DOP1A: variants seen among roughly 807,000 people sequenced by gnomAD.
DOP1A encodes protein DOP1A.
Under a neutral mutation model 267.6 loss-of-function variants are expected in DOP1A, and 90 were observed. That is an observed-to-expected ratio of 0.34 (90% CI 0.28 to 0.40). The LOEUF (loss-of-function observed/expected upper bound fraction) is 0.40, where lower values mean the gene tolerates loss of function less well. Ranked by LOEUF, DOP1A falls within the 10% of genes least tolerant of loss-of-function variation. The pLI is 1.00. For missense variants in DOP1A, 2,437 were observed against 2,900.4 expected, an observed-to-expected ratio of 0.84 and a Z score of 3.67; for synonymous variants, 932 against 999.1, an observed-to-expected ratio of 0.93 and a Z score of 1.27.
At chr6:83,167,333 T>C (rs934249012) in intron 38 of DOP1A, 5 of 985,450 alleles carry the variant, frequency 5.1e-6, no homozygotes, top group Non-Finnish European at 6.0e-6. Context: ...TCCCTTCCTT[T>C]CTCTGTGATG....
At chr6:83,071,172 T>G (rs925466066) in intron 1 of DOP1A, among the ~76,000 whole-genome samples, 28 of 152,314 alleles carry the variant, frequency 1.8e-4, no homozygotes, top group Non-Finnish European at 1.9e-4. Flanking sequence ...GAGACTTTCT[T>G]CTTGATACAG....
chr6:83,069,216 A>G (rs1785204183), intron 1 of DOP1A, among the ~76,000 whole-genome samples: 1 of 152,202 alleles, frequency 6.6e-6, no homozygotes, highest in Non-Finnish European at 1.5e-5. Flanking sequence ...AGGGTTTTCC[A>G]AACTGATGTT....
At position 83,143,618 on chromosome 6, in the gene DOP1A, T is replaced by C. The variant is rs575153984; in HGVS notation, c.5541+1572T>C. Among the ~76,000 whole-genome samples, 339 of 152,262 alleles carry C rather than the reference T, an allele frequency of 2.2e-3. 3 individuals are homozygous for C. Among genetic ancestry groups the C allele is most frequent in the Middle Eastern group, 0.014 (4 of 294 alleles). On this transcript the variant is annotated intron_variant, in intron 24 of 38. Transcript: ENST00000349129. ...CCATTCCCAAAATTAAAATTTTTCA[T>C]GGATATTAAAAATTCTGCAACAGAA... is the stretch of plus-strand genomic sequence containing the variant.
chr6:83,158,764 T>C (rs1783454412), intron 36 of DOP1A, 142 bp downstream of exon 36: 12 of 665,768 alleles, frequency 1.8e-5, no homozygotes, highest in Non-Finnish European at 3.0e-5. Context: ...GGATATAATG[T>C]AGTTTTACTT....
At chr6:83,088,073 C>A (rs1473965884) in intron 1 of DOP1A, among the ~76,000 whole-genome samples, 2 of 152,068 alleles carry the variant, frequency 1.3e-5, no homozygotes, top group Non-Finnish European at 2.9e-5. Context: ...CGGGTTTCAC[C>A]GTGTTAGCCA....
intron 16 of DOP1A, 96 bp from the exon 17 acceptor site, chr6:83,130,027 A>G: frequency 6.8e-7 from 1 of 1,472,410 alleles, no homozygotes. Context: ...TCAAGGCCTT[A>G]AAAGTATTTA....
intron 6 of DOP1A, 138 bp from the exon 7 acceptor site, chr6:83,113,185 C>A: frequency 1.7e-6 from 1 of 593,826 alleles, no homozygotes. Context: ...ATATACTATT[C>A]AAAATAATGT....
intron 27 of DOP1A, among the ~76,000 whole-genome samples, chr6:83,150,854 T>G (rs1781525863): frequency 6.6e-6 from 1 of 152,192 alleles, no homozygotes; most frequent in African/African-American, 2.4e-5. Context: ...AAATAATTAG[T>G]ACACAACTCT....
chr6:83,166,263 C>A, intron 38 of DOP1A: 1 of 548,258 alleles, frequency 1.8e-6, no homozygotes. Context: ...GGGCAGCTCT[C>A]TTATAGTTGT....
rs1779393628 is a variant in DOP1A at position 83,140,209 on chromosome 6, A to G, written c.5233-12A>G. On this transcript the variant is annotated splice_polypyrimidine_tract_variant and intron_variant, in intron 22 of 38. Coordinates refer to ENST00000349129, the MANE Select transcript of DOP1A (RefSeq NM_015018.4). ...GTAAGTAATATGTTTCTTTTCCCCC[A>G]ACTGTTAATAGCTTTTGGTCAGTGT... The G allele has an allele frequency of 6.2e-7, 1 of 1,607,144 alleles. No individual in the cohort carries two copies. Among genetic ancestry groups the G allele is most frequent in the Admixed American group, 1.7e-5 (1 of 59,350 alleles).
Position 83,160,102 on chromosome 6 carries a change from CAG to C in DOP1A, c.6962+145_6962+146del, listed in dbSNP as rs1490519569. On this transcript the variant is annotated intron_variant, in intron 37 of 38. Coordinates refer to ENST00000349129, the MANE Select transcript of DOP1A (RefSeq NM_015018.4). The stretch of plus-strand genomic sequence containing the variant: ...CTAAAATGTAATTCTTTTGGCACAG[CAG>C]AGTTATCGGAAGTAAATGGTCAATG... 41 of 818,158 alleles carry C rather than the reference CAG, an allele frequency of 5.0e-5. No homozygotes were observed. In the South Asian group the frequency reaches 6.9e-4, roughly 14 times the overall value. 50.7% of individuals were successfully genotyped at this position (818,158 alleles called of 1,614,324 possible).
intron 38 of DOP1A, chr6:83,165,982 T>G: frequency 3.0e-6 from 1 of 333,190 alleles, no homozygotes; most frequent in Non-Finnish European, 5.8e-6. Context: ...GGAGCAAGTT[T>G]GGCTTTGGGA....
rs1041832059 is a variant in DOP1A at position 83,134,264 on chromosome 6, A to T, written c.2847A>T (p.Ser949=). Residue 949 remains serine (S), a synonymous_variant, in exon 19 of 39, where the codon TCA becomes TCT. Coordinates refer to ENST00000349129, the MANE Select transcript of DOP1A (RefSeq NM_015018.4). The part of the protein sequence containing the change: ...LTRDLHINKS[S]SFVRSFDRSL... The stretch of plus-strand genomic sequence containing the variant: ...GAGATCTCCATATAAATAAATCTTC[A>T]TCTTTTGTACGTTCTTTTGACAGGT... 2 of 1,612,170 alleles carry T rather than the reference A, an allele frequency of 1.2e-6. No individual in the cohort carries two copies. The highest frequency in any genetic ancestry group is 1.7e-6 in the Non-Finnish European group (2 of 1,179,048).
intron 11 of DOP1A, 123 bp downstream of exon 11, chr6:83,122,173 T>C: frequency 9.2e-7 from 1 of 1,086,984 alleles, no homozygotes; most frequent in South Asian, 1.7e-5. Context: ...GTAAAGCTGA[T>C]TTAATACTAG....
At chr6:83,086,061 A>G (rs1400696451) in intron 1 of DOP1A, among the ~76,000 whole-genome samples, 4 of 152,144 alleles carry the variant, frequency 2.6e-5, no homozygotes, top group Admixed American at 1.3e-4. Context: ...TATTGGAGCT[A>G]TAGGACTATA....
intron 9 of DOP1A, among the ~76,000 whole-genome samples, chr6:83,120,157 G>A (rs147132576): frequency 0.018 from 2,758 of 152,004 alleles, 48 homozygotes; most frequent in Admixed American, 0.06. Context: ...CCAAAAATGA[G>A]TCAGGACCTG....
intron 4 of DOP1A, 148 bp from the exon 5 acceptor site, chr6:83,108,762 G>A (rs1426038265): frequency 3.0e-6 from 2 of 672,564 alleles, no homozygotes; most frequent in Non-Finnish European, 4.7e-6. Context: ...TGGTTTAATG[G>A]ATGTAGTCAT....
At chr6:83,081,738 A>G (rs1483283039) in intron 1 of DOP1A, among the ~76,000 whole-genome samples, 1 of 152,038 alleles carries the variant, frequency 6.6e-6, no homozygotes, top group Admixed American at 6.6e-5. Flanking sequence ...AACAATTAGC[A>G]GAGTAAAGAG....
At chr6:83,157,150 T>C in intron 34 of DOP1A, 32 bp from the exon 35 acceptor site, 1 of 1,601,954 alleles carries the variant, frequency 6.2e-7, no homozygotes, top group Non-Finnish European at 8.5e-7. Context: ...AAAGATTATT[T>C]AGTTATTGAA....
Sources: allele counts gnomAD v4.1 joint callset (sites outside exome capture counted in the v4.1 genomes callset), GRCh38; gene constraint gnomAD v4.1.1; transcripts MANE v1.5; gene names NCBI Gene and HGNC (gene_info 2026-07-23, HGNC 2026-07-21).